Variants in PDE8A observed in about 807,000 individuals in gnomAD.
PDE8A encodes the protein high affinity cAMP-specific and IBMX-insensitive 3',5'-cyclic phosphodiesterase 8A.
A neutral mutation model predicts 105.0 loss-of-function variants in PDE8A; 59 were observed. The observed-to-expected ratio is 0.56, with a 90% CI of 0.46 to 0.70. The LOEUF (loss-of-function observed/expected upper bound fraction) is 0.70. Ranked by LOEUF, PDE8A falls within the 30% of genes least tolerant of loss-of-function variation. The probability of loss-of-function intolerance (pLI) is 0.00; values close to 1 mark genes in which losing one functional copy is unlikely to be tolerated. For missense variants in PDE8A, 1,014 were observed against 1,045.9 expected (o/e 0.97, Z 0.42); for synonymous variants, 355 against 371.9 (o/e 0.95, Z 0.52).
rs570462754 is a variant in PDE8A at position 85,015,753 on chromosome 15, A to G, written c.186+33405A>G. On this transcript the variant is annotated intron_variant, in intron 1 of 21. Transcript: ENST00000394553. ...GTCCATATCACTCTAGACTCTCTCC[A>G]AAGGGTCGTTTGTATTTTCCTTCCA... Among the ~76,000 whole-genome samples, 170 of 152,068 alleles carry G rather than the reference A, an allele frequency of 1.1e-3. 1 individual carries two copies. Among genetic ancestry groups the G allele is most frequent in the Admixed American group, 1.8e-3 (28 of 15,280 alleles).
In PDE8A at chr15:85,076,636, A is replaced by G. The variant is rs528139451; in HGVS notation, c.492-97A>G. 5.2e-6 allele frequency: 4 copies of G among 772,350 alleles called. No homozygotes were observed. In the East Asian group the frequency reaches 7.4e-5, roughly 14 times the overall value. The allele number at this position is 772,350 out of a possible 1,614,324, so 47.8% of individuals were successfully genotyped here. ...TAATCTGATTCATCTAAAAGTACTCATTACATAACGAAGTATTATTTAAAT... is the reference window on the plus strand; with the variant it reads ...TAATCTGATTCATCTAAAAGTACTCGTTACATAACGAAGTATTATTTAAAT... On this transcript the variant is annotated intron_variant, in intron 4 of 21. Coordinates refer to ENST00000394553, the MANE Select transcript of PDE8A (RefSeq NM_002605.3).
At position 85,098,030 on chromosome 15, in the gene PDE8A, A is replaced by G; in HGVS notation, c.935A>G (p.Gln312Arg). 1.3e-6 allele frequency: 2 copies of G among 1,572,046 alleles called. No individual in the cohort carries two copies. The highest frequency in any genetic ancestry group is 8.8e-7 in the Non-Finnish European group (1 of 1,142,586). Residue 312 changes from glutamine to arginine, a missense_variant, in exon 9 of 22, where the codon CAG (glutamine) becomes CGG (arginine). Coordinates refer to ENST00000394553, the MANE Select transcript of PDE8A (RefSeq NM_002605.3). Reference sequence around the variant, plus strand: ...GTGAAGATAATACCTGTCATTGGACAGGGAGGGTAAGTGGAAAAAACAAGT... The same window carrying G: ...GTGAAGATAATACCTGTCATTGGACGGGGAGGGTAAGTGGAAAAAACAAGT... ...QNVKIIPVIG[Q>R]GGKIRHYVSI...
At chr15:85,052,848 T>C (rs891299846) in intron 1 of PDE8A, among the ~76,000 whole-genome samples, 3 of 152,228 alleles carry the variant, frequency 2.0e-5, no homozygotes, top group Admixed American at 6.5e-5. Flanking sequence ...TTTGTCAATT[T>C]TGGCTTTTGT....
intron 19 of PDE8A, 55 bp from the exon 20 acceptor site, chr15:85,126,152 G>A: frequency 7.5e-7 from 1 of 1,339,374 alleles, no homozygotes. Context: ...CAGTAAGAGA[G>A]GGCTTGGCAC....
chr15:85,055,950 T>C (rs1364110148), intron 1 of PDE8A, among the ~76,000 whole-genome samples: 1 of 152,232 alleles, frequency 6.6e-6, no homozygotes, highest in Non-Finnish European at 1.5e-5. Context: ...CTGGTACTGG[T>C]TGTTCCTTTC....
intron 1 of PDE8A, among the ~76,000 whole-genome samples, chr15:85,006,225 G>A: frequency 6.6e-6 from 1 of 151,804 alleles, no homozygotes; most frequent in Admixed American, 6.6e-5. Context: ...TAACTAACCG[G>A]CACATTGTGC....
intron 12 of PDE8A, among the ~76,000 whole-genome samples, chr15:85,110,453 C>A (rs1201946789): frequency 3.3e-5 from 5 of 152,172 alleles, no homozygotes; most frequent in African/African-American, 1.2e-4. Context: ...TCCACACACA[C>A]AAACACATTA....
intron 9 of PDE8A, chr15:85,099,746 CA>C: frequency 2.2e-6 from 1 of 446,018 alleles, no homozygotes; most frequent in Non-Finnish European, 3.9e-6. Context: ...ACATGCAGTT[CA>C]TTTTAAAAAA....
intron 8 of PDE8A, 33 bp downstream of exon 8, chr15:85,091,214 C>G: frequency 6.4e-7 from 1 of 1,560,130 alleles, no homozygotes; most frequent in Non-Finnish European, 8.7e-7. Context: ...TTTTAACTTT[C>G]ACAACACAGA....
chr15:85,022,943 G>A lies in PDE8A; in HGVS notation c.186+40595G>A, dbSNP rs2080452973. Among the ~76,000 whole-genome samples, 4 of 152,312 alleles carry A rather than the reference G, an allele frequency of 2.6e-5. No homozygotes were observed. The South Asian group carries it at 8.3e-4, about 32-fold the overall frequency. ...CATGTTTACATGCTAAAGGGACAGAGTCAGTAGGAGAGATTAACGATCAAG... is the reference window on the plus strand; with the variant it reads ...CATGTTTACATGCTAAAGGGACAGAATCAGTAGGAGAGATTAACGATCAAG... On this transcript the variant is annotated intron_variant, in intron 1 of 21. Coordinates refer to ENST00000394553, the MANE Select transcript of PDE8A (RefSeq NM_002605.3).
intron 1 of PDE8A, among the ~76,000 whole-genome samples, chr15:84,984,812 T>G (rs1181709114): frequency 6.6e-6 from 1 of 152,172 alleles, no homozygotes. Flanking sequence ...AAAGTCTGTT[T>G]TGAGTGCTGA....
chr15:85,126,891 C>T (rs2082266717), intron 20 of PDE8A, among the ~76,000 whole-genome samples: 1 of 152,160 alleles, frequency 6.6e-6, no homozygotes, highest in South Asian at 2.1e-4. Flanking sequence ...CAGTGATTCT[C>T]ATGTCCTCTG....
chr15:85,037,801 A>G (rs76325616), intron 1 of PDE8A, among the ~76,000 whole-genome samples: 5,526 of 152,288 alleles, frequency 0.036, 313 homozygotes, highest in African/African-American at 0.12. Context: ...CTATTCATTT[A>G]GACAAAAAGA....
At chr15:85,007,837 A>G (rs1211013928) in intron 1 of PDE8A, among the ~76,000 whole-genome samples, 1 of 152,138 alleles carries the variant, frequency 6.6e-6, no homozygotes, top group African/African-American at 2.4e-5. Flanking sequence ...TGAATTGGAA[A>G]TTTGTGGTCA....
At chr15:85,007,168 A>G (rs1596433707) in intron 1 of PDE8A, among the ~76,000 whole-genome samples, 2 of 152,252 alleles carry the variant, frequency 1.3e-5, no homozygotes, top group Middle Eastern at 6.8e-3. Context: ...GATAGAAGGG[A>G]AAAGCATTAG....
intron 9 of PDE8A, 30 bp from the exon 10 acceptor site, chr15:85,099,980 CAGAAG>C (rs1439884979): frequency 1.5e-5 from 24 of 1,550,896 alleles, no homozygotes; most frequent in Non-Finnish European, 2.0e-5. Flanking sequence ...ATTAGAGACT[CAGAAG>C]AGAAATAATG....
intron 1 of PDE8A, among the ~76,000 whole-genome samples, chr15:84,992,134 A>C (rs1367455348): frequency 6.6e-6 from 1 of 152,244 alleles, no homozygotes; most frequent in Non-Finnish European, 1.5e-5. Context: ...TAGAGGCTGT[A>C]GGAGGATAAC....
At chr15:85,106,745 G>A (rs1014849819) in intron 11 of PDE8A, among the ~76,000 whole-genome samples, 1 of 152,220 alleles carries the variant, frequency 6.6e-6, no homozygotes, top group African/African-American at 2.4e-5. Flanking sequence ...GGGAAACAGT[G>A]AGAGATGAAA....
chr15:85,126,401 T>C, intron 20 of PDE8A, 27 bp downstream of exon 20: 3 of 1,475,798 alleles, frequency 2.0e-6, no homozygotes, highest in African/African-American at 2.8e-5. Context: ...TTTAAGTTTC[T>C]AGAGAGAGAG....
Sources: gnomAD v4.1 joint callset for allele counts (sites outside exome capture counted in the v4.1 genomes callset) on GRCh38, gnomAD v4.1.1 for gene constraint, MANE v1.5 for transcripts, NCBI Gene and HGNC (gene_info 2026-07-23, HGNC 2026-07-21) for gene names.